MX1: variants seen among roughly 807,000 people sequenced by gnomAD.
MX1 encodes MX dynamin like GTPase 1, also known as interferon-induced GTP-binding protein Mx1.
Under a neutral mutation model 66.4 loss-of-function variants are expected in MX1, and 66 were observed. The ratio of observed to expected loss-of-function variants is 0.99; its 90% CI spans 0.82 to 1.22. MX1 has a LOEUF of 1.22. MX1 is among the 50% of genes most tolerant of loss of function. The pLI, the probability that MX1 is intolerant of heterozygous loss-of-function variation, is 0.00. For synonymous variants in MX1, 311 were observed against 318.1 expected (o/e 0.98, Z 0.24); for missense variants, 787 against 834.3 (o/e 0.94, Z 0.70).
chr21:41,440,991 C>T lies in MX1; in HGVS notation c.696C>T (p.Ala232=), dbSNP rs1326025191. Residue 232 remains alanine, a synonymous_variant, in exon 9 of 17, where the codon GCC becomes GCT. Coordinates refer to ENST00000398598, the MANE Select transcript of MX1 (RefSeq NM_002462.5). Reference sequence around the variant, plus strand: ...CCACCACAGAGGCTCTCAGCATGGCCCAGGAGGTGGACCCCGAGGGAGACA... The same window carrying T: ...CCACCACAGAGGCTCTCAGCATGGCTCAGGAGGTGGACCCCGAGGGAGACA... ...DIATTEALSM[A]QEVDPEGDRT... is the part of the protein sequence containing the mutation. 6.2e-7 allele frequency: 1 copy of T among 1,614,202 alleles called. No individual in the cohort carries two copies. Among genetic ancestry groups the T allele is most frequent in the African/African-American group, 1.3e-5 (1 of 75,054 alleles).
In MX1 at chr21:41,442,006, A is replaced by AATGTGT. The variant is rs145807679; in HGVS notation, c.929+92_929+93insATGTGT. On this transcript the variant is annotated intron_variant, in intron 10 of 16. Coordinates refer to ENST00000398598, the MANE Select transcript of MX1 (RefSeq NM_002462.5). ...TGGCAGCCGTCCCACAGATGTGTGG[A>AATGTGT]GTGTGTGTGTGTGTGTGTGCGTGTG... is the stretch of plus-strand genomic sequence containing the variant. The AATGTGT allele has an allele frequency of 3.3e-6, 3 of 909,802 alleles. No individual in the cohort carries two copies. In the Admixed American group the frequency reaches 5.6e-5, roughly 17 times the overall value. 56.4% of individuals were successfully genotyped at this position (909,802 alleles called of 1,614,324 possible). A position where few individuals can be genotyped will look rare whatever the true frequency, so the allele number is the denominator to read the frequency against.
chr21:41,435,086 T>C (rs940885024), intron 5 of MX1, among the ~76,000 whole-genome samples: 1 of 152,254 alleles, frequency 6.6e-6, no homozygotes, highest in Admixed American at 6.5e-5. Flanking sequence ...AAAATACTGC[T>C]TCACTGTCTT....
intron 8 of MX1, among the ~76,000 whole-genome samples, chr21:41,440,489 A>G (rs940700717): frequency 8.5e-5 from 13 of 152,160 alleles, no homozygotes; most frequent in African/African-American, 2.9e-4. Flanking sequence ...AAAACAAAAA[A>G]CAAAACAAAA....
rs754978340 is a variant in MX1, at chr21:41,439,815, T to G, written c.558T>G (p.Ala186=). The change falls in exon 8 of 17, where the codon GCT becomes GCG. Residue 186 remains alanine (A), a synonymous_variant. Transcript: ENST00000398598. ...ACCTTCCTGGCATAACCAGAGTGGC[T>G]GTGGGCAATCAGCCTGCTGACATTG... is the stretch of plus-strand genomic sequence containing the variant. The part of the protein sequence containing the change: ...LIDLPGITRV[A]VGNQPADIGY... 3.5e-5 allele frequency: 57 copies of G among 1,613,220 alleles called. No homozygotes were observed. The highest frequency in any genetic ancestry group is 4.7e-5 in the Non-Finnish European group (55 of 1,179,884).
chr21:41,445,482 A>G lies in MX1; in HGVS notation c.1043A>G (p.Glu348Gly), dbSNP rs569324135. The G allele has an allele frequency of 1.2e-6, 2 of 1,614,008 alleles. No individual in the cohort carries two copies. The highest frequency in any genetic ancestry group is 3.3e-5 in the Admixed American group (2 of 60,028). ...SLPLLENQIK[E>G]THQRITEELQ... ...CCCCTGTTAGAAAATCAAATCAAGG[A>G]GACTCACCAGAGAATAACAGAGGAG... Residue 348 changes from glutamate (E) to glycine (G), a missense_variant, in exon 12 of 17, where the codon GAG becomes GGG. Physicochemically the swap from Glu to Gly is moderately conservative, Grantham distance 98. Transcript: ENST00000398598.
rs1457701015 is a variant in MX1 at position 41,451,223 on chromosome 21, A to G, written c.1489A>G (p.Asn497Asp). The G allele has an allele frequency of 3.1e-6, 5 of 1,611,932 alleles. No homozygotes were observed. The Admixed American group carries it at 8.3e-5, about 27-fold the overall frequency. The change falls in exon 15 of 17, where the codon AAC becomes GAC. Residue 497 changes from asparagine (N) to aspartate (D), a missense_variant. Physicochemically the swap from Asn to Asp is conservative, Grantham distance 23. Coordinates refer to ENST00000398598, the MANE Select transcript of MX1 (RefSeq NM_002462.5). The part of the protein sequence containing the change: ...VSIKNFEEFF[N>D]LHRTAKSKIE... ...GATAAAAAATTTTGAAGAGTTTTTTAACCTCCACAGAACCGCCAAGGTAAA... is the reference window on the plus strand; with the variant it reads ...GATAAAAAATTTTGAAGAGTTTTTTGACCTCCACAGAACCGCCAAGGTAAA...
chr21:41,432,251 T>TA, intron 5 of MX1, 76 bp downstream of exon 5: 2 of 1,299,740 alleles, frequency 1.5e-6, no homozygotes, highest in Non-Finnish European at 2.2e-6. Context: ...TCTACAGCGG[T>TA]GCTACTGCTG....
intron 10 of MX1, among the ~76,000 whole-genome samples, chr21:41,442,237 G>A (rs1316289811): frequency 6.6e-6 from 1 of 151,922 alleles, no homozygotes; most frequent in Non-Finnish European, 1.5e-5. Context: ...AAGAGAATAG[G>A]AAAAAAGTAG....
At chr21:41,435,739 A>G (rs184571596) in intron 5 of MX1, 98 bp from the exon 6 acceptor site, 3 of 1,335,688 alleles carry the variant, frequency 2.2e-6, no homozygotes, top group Non-Finnish European at 3.1e-6. Context: ...TATGGGGATT[A>G]CAATTCGAGA....
In MX1 at chr21:41,431,970, C is replaced by T. The variant is rs2090226854; in HGVS notation, c.-21-80C>T. On this transcript the variant is annotated intron_variant, in intron 4 of 16. Coordinates refer to ENST00000398598, the MANE Select transcript of MX1 (RefSeq NM_002462.5). ...AGAGTCCCCACCTCCAGGGGCCTTC[C>T]GTTCTGGTGGTGGGTTTGGTTCCAT... 12 of 1,149,902 alleles carry T rather than the reference C, an allele frequency of 1.0e-5. No individual in the cohort carries two copies. The East Asian group carries it at 1.2e-4, about 12-fold the overall frequency. 71.2% of individuals were successfully genotyped at this position (1,149,902 alleles called of 1,614,324 possible). A position where few individuals can be genotyped will look rare whatever the true frequency, so the allele number is the denominator to read the frequency against.
rs146482765 is a variant in MX1, at chr21:41,452,389, G to T, written c.1510-232G>T. ...AGCCTGTGCAGGTCCCCAGGCCCCG[G>T]GATGGGGGTCCGGCCCATCTGTGGC... On this transcript the variant is annotated intron_variant, in intron 15 of 16. Transcript: ENST00000398598. Among the ~76,000 whole-genome samples, 1,251 of 152,288 alleles carry T rather than the reference G, an allele frequency of 8.2e-3. 9 individuals carry two copies. Among genetic ancestry groups the T allele is most frequent in the Non-Finnish European group, 0.013 (868 of 68,018 alleles).
chr21:41,427,642 G>C (rs920578404), intron 2 of MX1, 113 bp from the exon 3 acceptor site: 10 of 152,210 alleles, frequency 6.6e-5, no homozygotes, highest in African/African-American at 2.4e-4. Flanking sequence ...AGAGGAAGGG[G>C]GCTGAATCCT....
At chr21:41,448,943 TG>T in intron 13 of MX1, among the ~76,000 whole-genome samples, 193 bp from the exon 14 acceptor site, 1 of 36,694 alleles carries the variant, frequency 2.7e-5, no homozygotes, top group Non-Finnish European at 4.8e-5. Flanking sequence ...TGTGTGTGTG[TG>T]TGTGTGTGTG....
At chr21:41,422,800 C>G (rs1229847350), upstream of MX1, 4 of 152,192 alleles carry the variant, frequency 2.6e-5, no homozygotes, top group African/African-American at 9.7e-5. Flanking sequence ...AGAATGATCA[C>G]CTGGATTGGA....
At chr21:41,430,054 G>A (rs1014766016) in intron 3 of MX1, 1 of 152,160 alleles carries the variant, frequency 6.6e-6, no homozygotes, top group Non-Finnish European at 1.5e-5. Context: ...CTTTAGCCAA[G>A]GCAGCATGAA....
In MX1 at chr21:41,439,743, C is replaced by G. The variant is rs747939434; in HGVS notation, c.486C>G (p.Ile162Met). 6.2e-7 allele frequency: 1 copy of G among 1,614,130 alleles called. No individual in the cohort carries two copies. Among genetic ancestry groups the G allele is most frequent in the Admixed American group, 1.7e-5 (1 of 60,014 alleles). ...GAATGGGAATCAGTCATGAGCTAAT[C>G]ACCCTGGAGATCAGCTCCCGAGATG... ...GEGMGISHEL[I>M]TLEISSRDVP... Residue 162 changes from isoleucine to methionine, a missense_variant, in exon 8 of 17, where the codon ATC becomes ATG. Coordinates refer to ENST00000398598, the MANE Select transcript of MX1 (RefSeq NM_002462.5).
rs554895974 is a variant in MX1, at chr21:41,456,700, G to A, written c.1759-1828G>A. ...TTTAGACTGATAAAGATGACCCAGA[G>A]AAGGCCTGCTCCATCCACACTGGCC... is the stretch of plus-strand genomic sequence containing the variant. On this transcript the variant is annotated intron_variant, in intron 16 of 16. Transcript: ENST00000398598. Among the ~76,000 whole-genome samples, 3 of 152,256 alleles carry A rather than the reference G, an allele frequency of 2.0e-5. No individual in the cohort carries two copies. In the South Asian group the frequency reaches 6.2e-4, roughly 32 times the overall value.
chr21:41,421,451 C>G (rs1217481024), upstream of MX1: 2 of 154,954 alleles, frequency 1.3e-5, no homozygotes, highest in African/African-American at 2.4e-5. Flanking sequence ...TCAGGTCTTT[C>G]CCTTCCCACG....
rs532129406 is a variant in MX1, at chr21:41,450,472, G to A, written c.1433-695G>A. Among the ~76,000 whole-genome samples, 84 of 152,270 alleles carry A rather than the reference G, an allele frequency of 5.5e-4. 1 individual carries two copies. Among genetic ancestry groups the A allele is most frequent in the Non-Finnish European group, 2.4e-4 (16 of 68,032 alleles). ...TAGCCTCAGAACAGCTCATTCAGAG[G>A]TGTATTTCCAGTAAAATTGACCTTT... On this transcript the variant is annotated intron_variant, in intron 14 of 16. Coordinates refer to ENST00000398598, the MANE Select transcript of MX1 (RefSeq NM_002462.5).
Sources: gnomAD v4.1 joint callset for allele counts (sites outside exome capture counted in the v4.1 genomes callset) on GRCh38, gnomAD v4.1.1 for gene constraint, MANE v1.5 for transcripts, NCBI Gene and HGNC (gene_info 2026-07-23, HGNC 2026-07-21) for gene names.